SLC9A6: variants seen among roughly 807,000 people sequenced by gnomAD.
The protein encoded by SLC9A6 is solute carrier family 9 member A6.
SLC9A6 carries 6 observed loss-of-function variants against 45.3 expected under a neutral mutation model. That is an observed-to-expected ratio of 0.13 (90% CI 0.07 to 0.26). The LOEUF is 0.26. Among genes scored for constraint, SLC9A6 ranks in the 10% least tolerant of loss-of-function variants. The pLI is 1.00. For missense variants in SLC9A6, 278 were observed against 503.7 expected, an observed-to-expected ratio of 0.55 and a Z score of 4.29; for synonymous variants, 191 against 187.7, an observed-to-expected ratio of 1.02 and a Z score of -0.14.
At chrX:135,977,639 C>T (rs1185581311) in intron 1 of SLC9A6, among the ~76,000 whole-genome samples, 1 of 111,598 alleles carries the variant, frequency 9.0e-6, no homozygotes, top group Non-Finnish European at 1.9e-5. Context: ...CTCTGGGTAA[C>T]ACATTCTAGA....
chrX:136,002,453 A>G (rs1199347807), intron 7 of SLC9A6, among the ~76,000 whole-genome samples: 1 of 112,197 alleles, frequency 8.9e-6, no homozygotes, highest in Non-Finnish European at 1.9e-5. Flanking sequence ...TTCCTTTTCT[A>G]TGTATGATAT....
At chrX:136,010,384 A>T in intron 7 of SLC9A6, 58 bp from the exon 8 acceptor site, 1 of 1,150,859 alleles carries the variant, frequency 8.7e-7, no homozygotes, top group Non-Finnish European at 1.2e-6. Flanking sequence ...TATACTACAT[A>T]ATGTTTTTTT....
At chrX:135,995,673 A>G (rs1381274402) in intron 3 of SLC9A6, among the ~76,000 whole-genome samples, 1 of 112,129 alleles carries the variant, frequency 8.9e-6, no homozygotes, top group Non-Finnish European at 1.9e-5. Context: ...ATTTGATAAT[A>G]CCTAAAATAT....
intron 7 of SLC9A6, among the ~76,000 whole-genome samples, chrX:136,009,130 C>T (rs782318730): frequency 1.0e-3 from 115 of 111,622 alleles, no homozygotes; most frequent in African/African-American, 3.4e-3. Context: ...GAAATCAGAT[C>T]TCATTTATGG....
chrX:135,990,008 C>CGGA (rs1327774497), intron 2 of SLC9A6, among the ~76,000 whole-genome samples: 1 of 111,136 alleles, frequency 9.0e-6, no homozygotes, highest in African/African-American at 3.3e-5. Flanking sequence ...TGTTTTGAGA[C>CGGA]GGAGTCTCGC....
intron 1 of SLC9A6, among the ~76,000 whole-genome samples, chrX:135,979,555 T>C (rs2089277377): frequency 9.0e-6 from 1 of 111,667 alleles, no homozygotes; most frequent in Admixed American, 9.5e-5. Context: ...GTTCAAACCT[T>C]TGGAGTCATC....
At chrX:135,979,869 G>A (rs1257102952) in intron 1 of SLC9A6, among the ~76,000 whole-genome samples, 5 of 111,577 alleles carry the variant, frequency 4.5e-5, no homozygotes, top group Admixed American at 9.5e-5. Flanking sequence ...AGGTCCAAGC[G>A]ATTCTCCCAC....
At chrX:136,033,834 T>C (rs1296053470) in intron 16 of SLC9A6, among the ~76,000 whole-genome samples, 2 of 112,107 alleles carry the variant, frequency 1.8e-5, no homozygotes, top group Non-Finnish European at 3.8e-5. Context: ...AGGTATTTCT[T>C]GGTTCTTGTC....
intron 13 of SLC9A6, among the ~76,000 whole-genome samples, chrX:136,027,063 ATCC>A (rs1782537197): frequency 1.8e-5 from 2 of 111,992 alleles, no homozygotes; most frequent in Non-Finnish European, 3.8e-5. Context: ...GGGTTAAGAA[ATCC>A]TCCTCTAGAG....
intron 1 of SLC9A6, among the ~76,000 whole-genome samples, chrX:135,980,129 A>G (rs782371177): frequency 1.8e-5 from 2 of 111,675 alleles, no homozygotes; most frequent in Admixed American, 1.9e-4. Context: ...TTGACCAGGA[A>G]AATGAATGAG....
intron 7 of SLC9A6, among the ~76,000 whole-genome samples, chrX:136,005,351 G>A (rs1252287164): frequency 1.8e-5 from 2 of 112,646 alleles, no homozygotes; most frequent in African/African-American, 6.4e-5. Context: ...AAGCTTGGGG[G>A]TGTACATACC....
chrX:136,041,966 G>T (rs1556622703), intron 17 of SLC9A6, among the ~76,000 whole-genome samples: 1 of 110,347 alleles, frequency 9.1e-6, no homozygotes, highest in Admixed American at 9.7e-5. Context: ...TTCACATGGG[G>T]TTCTACCTGT....
intron 2 of SLC9A6, among the ~76,000 whole-genome samples, chrX:135,986,955 C>G (rs1311810173): frequency 9.0e-6 from 1 of 111,651 alleles, no homozygotes; most frequent in Non-Finnish European, 1.9e-5. Flanking sequence ...GTCTCTCAGA[C>G]TTGCAGATAG....
At chrX:135,998,822 T>G in intron 5 of SLC9A6, 34 bp from the exon 6 acceptor site, 1 of 1,033,515 alleles carries the variant, frequency 9.7e-7, no homozygotes. Flanking sequence ...CAGTTGATAT[T>G]TTTTTCTAAA....
intron 11 of SLC9A6, among the ~76,000 whole-genome samples, chrX:136,020,625 C>T (rs1488217040): frequency 8.9e-6 from 1 of 112,236 alleles, no homozygotes; most frequent in African/African-American, 3.2e-5. Flanking sequence ...CGCCTCTCAG[C>T]CTCCCAAAGT....
rs2089531604 is a variant in SLC9A6 at position 135,998,138 on chromosome X, A to G, written c.400A>G (p.Ile134Val). The G allele has an allele frequency of 8.8e-7, 1 of 1,131,134 alleles. No homozygotes were observed. Among genetic ancestry groups the G allele is most frequent in the East Asian group, 3.0e-5 (1 of 33,422 alleles). The allele number at this position is 1,131,134 out of a possible 1,213,427, so 93.2% of individuals were successfully genotyped here. Residue 134 changes from isoleucine (I) to valine (V), a missense_variant, in exon 4 of 18, where the codon ATA (isoleucine) becomes GTA (valine). This residue lies in a region of SLC9A6 where 118 missense variants were observed against 209.9 expected (regional missense o/e 0.56). Coordinates refer to ENST00000630721, the MANE Select transcript of SLC9A6 (RefSeq NM_001379110.1). ...VTFDPEVFFNILLPPIIFYAG... is the reference protein window; with the variant it reads ...VTFDPEVFFNVLLPPIIFYAG... ...TTTTGATCCAGAAGTATTTTTCAAC[A>G]TATTACTTCCTCCTATCATATTTTA...
chrX:136,042,310 G>A (rs1358671157), intron 17 of SLC9A6, among the ~76,000 whole-genome samples: 1 of 110,127 alleles, frequency 9.1e-6, no homozygotes, highest in African/African-American at 3.3e-5. Context: ...AAGTAGCTGG[G>A]ATTACAGGTG....
chrX:136,036,909 G>T (rs1466433418), intron 16 of SLC9A6, among the ~76,000 whole-genome samples: 1 of 112,307 alleles, frequency 8.9e-6, no homozygotes, highest in African/African-American at 3.2e-5. Context: ...GAGATAGTGG[G>T]TGAAGATCTA....
chrX:136,026,864 G>GC (rs1425577681), intron 13 of SLC9A6, among the ~76,000 whole-genome samples: 1 of 111,532 alleles, frequency 9.0e-6, no homozygotes, highest in Non-Finnish European at 1.9e-5. Context: ...GGAGAATTTT[G>GC]CCCCCCGCCC....
Sources: gnomAD v4.1 joint callset for allele counts (sites outside exome capture counted in the v4.1 genomes callset) on GRCh38, gnomAD v4.1.1 for gene constraint, gnomAD v4.1.1 regional missense constraint, MANE v1.5 for transcripts, NCBI Gene and HGNC (gene_info 2026-07-23, HGNC 2026-07-21) for gene names.